The following HTRA1 variants were observed in gnomAD, a reference collection of about 807,000 sequenced individuals.
The protein encoded by HTRA1 is serine protease HTRA1.
A neutral mutation model predicts 49.7 loss-of-function variants in HTRA1; 26 were observed. That is an observed-to-expected ratio of 0.52 (90% CI 0.38 to 0.73). The LOEUF (loss-of-function observed/expected upper bound fraction) is 0.73. Ranked by LOEUF, HTRA1 falls within the 30% of genes least tolerant of loss-of-function variation. The pLI, the probability that HTRA1 is intolerant of heterozygous loss-of-function variation, is 0.00. For synonymous variants in HTRA1, 291 were observed against 286.9 expected (o/e 1.01, Z -0.14); for missense variants, 561 against 667.2 (o/e 0.84, Z 1.75).
chr10:122,488,777 G>C, intron 1 of HTRA1, 125 bp from the exon 2 acceptor site: 1 of 823,934 alleles, frequency 1.2e-6, no homozygotes, highest in Non-Finnish European at 2.1e-6. Flanking sequence ...TGGGGGAATT[G>C]CGCTCACTCC....
At chr10:122,471,204 G>T (rs2097485984) in intron 1 of HTRA1, among the ~76,000 whole-genome samples, 1 of 152,128 alleles carries the variant, frequency 6.6e-6, no homozygotes, top group South Asian at 2.1e-4. Context: ...AGCATTTGTG[G>T]CTCTGAAAAA....
intron 1 of HTRA1, 83 bp from the exon 2 acceptor site, chr10:122,488,819 C>A: frequency 9.1e-7 from 1 of 1,096,206 alleles, no homozygotes; most frequent in Non-Finnish European, 1.4e-6. Flanking sequence ...GGGCATGCAT[C>A]TTGGCTTCCT....
intron 8 of HTRA1, 103 bp from the exon 9 acceptor site, chr10:122,514,088 C>T (rs1310055914): frequency 8.6e-7 from 1 of 1,168,004 alleles, no homozygotes; most frequent in East Asian, 2.3e-5. Flanking sequence ...ATCCTGTTTG[C>T]TCTGGGCTTT....
chr10:122,475,753 T>A (rs370719770), intron 1 of HTRA1, among the ~76,000 whole-genome samples: 3 of 152,222 alleles, frequency 2.0e-5, no homozygotes, highest in Admixed American at 1.3e-4. Context: ...GGCCCCTCTG[T>A]GCCCATGTCC....
Position 122,514,845 on chromosome 10 carries a change from C to G in HTRA1, c.*486C>G, listed in dbSNP as rs1273482936. The G allele has an allele frequency of 5.1e-6, 1 of 195,836 alleles. No homozygotes were observed. The highest frequency in any genetic ancestry group is 2.3e-5 in the African/African-American group (1 of 42,850). 12.1% of individuals were successfully genotyped at this position (195,836 alleles called of 1,614,324 possible). On this transcript the variant is annotated 3_prime_UTR_variant, in exon 9 of 9. Coordinates refer to ENST00000368984, the MANE Select transcript of HTRA1 (RefSeq NM_002775.5). ...GGCCGAAGTTGCCTCTTTTAGGAAT[C>G]TCTTTGGAATTGGGAGCACGATGAC...
At position 122,500,334 on chromosome 10, in the gene HTRA1, T is replaced by G. The variant is rs139408587; in HGVS notation, c.778-6357T>G. Among the ~76,000 whole-genome samples, 69 of 152,354 alleles carry G rather than the reference T, an allele frequency of 4.5e-4. 1 individual carries two copies. In the East Asian group the frequency reaches 0.013, roughly 28 times the overall value. On this transcript the variant is annotated intron_variant, in intron 3 of 8. Coordinates refer to ENST00000368984, the MANE Select transcript of HTRA1 (RefSeq NM_002775.5). ...TTTATTGGGGACCCTGTTGCCTGTT[T>G]GGATCTTACTTACATTTAACTATTG...
chr10:122,489,510 G>T lies in HTRA1; in HGVS notation c.661G>T (p.Val221Leu). Reference protein sequence around the residue: ...EDGLIVTNAHVVTNKHRVKVE... With the variant: ...EDGLIVTNAHLVTNKHRVKVE... ...TGGACTGATCGTGACAAATGCCCAC[G>T]TGGTGACCAACAAGCACCGGGTCAA... The change falls in exon 3 of 9, where the codon GTG becomes TTG. Residue 221 changes from valine (V) to leucine (L), a missense_variant. Around this residue, in one of 3 missense-constraint regions of HTRA1, gnomAD observed 271 missense variants for 410.0 expected, o/e 0.66. Transcript: ENST00000368984. 9.3e-6 allele frequency: 15 copies of T among 1,614,196 alleles called. No individual in the cohort carries two copies. The highest frequency in any genetic ancestry group is 1.3e-5 in the Non-Finnish European group (15 of 1,180,022).
intron 3 of HTRA1, among the ~76,000 whole-genome samples, chr10:122,492,524 G>A (rs1251279453): frequency 1.3e-5 from 2 of 152,010 alleles, no homozygotes; most frequent in Non-Finnish European, 2.9e-5. Context: ...AGTAGAGACC[G>A]GGTTTTGCCA....
chr10:122,514,491 T>A lies in HTRA1; in HGVS notation c.*132T>A. 1 of 834,694 alleles carries A rather than the reference T, an allele frequency of 1.2e-6. No individual in the cohort carries two copies. Among genetic ancestry groups the A allele is most frequent in the Non-Finnish European group, 2.0e-6 (1 of 495,908 alleles). 51.7% of individuals were successfully genotyped at this position (834,694 alleles called of 1,614,324 possible). ...TTTTGTTTGTTCAGTGGAGACTCCC[T>A]GGCCAACAGAATCCTTCTTGATAGT... On this transcript the variant is annotated 3_prime_UTR_variant, in exon 9 of 9. Transcript: ENST00000368984.
Position 122,494,234 on chromosome 10 carries a change from TC to T in HTRA1, c.777+4610del, listed in dbSNP as rs748760393. ...GCTGGACTGCGGGGTTGGGGGCACA[TC>T]CGGCTGTCGGTCCTCAGGTAGGAGG... On this transcript the variant is annotated intron_variant, in intron 3 of 8. Transcript: ENST00000368984. This position sits in a 1 kb window ranked among gnomAD's most constrained non-coding sequence, Gnocchi z 4.0. Among the ~76,000 whole-genome samples, 1 of 152,260 alleles carries T rather than the reference TC, an allele frequency of 6.6e-6. No homozygotes were observed. Among genetic ancestry groups the T allele is most frequent in the Non-Finnish European group, 1.5e-5 (1 of 68,020 alleles).
chr10:122,461,589 TC>T lies in HTRA1; in HGVS notation c.-60del. ...CTGCCCCCGAGGCCCTCCTGCACTC[TC>T]CCCGGCGCCGCTCTCCGGCCCTCGC... On this transcript the variant is annotated 5_prime_UTR_variant, in exon 1 of 9. Coordinates refer to ENST00000368984, the MANE Select transcript of HTRA1 (RefSeq NM_002775.5). 4.6e-6 allele frequency: 5 copies of T among 1,083,120 alleles called. No individual in the cohort carries two copies. The highest frequency in any genetic ancestry group is 4.9e-6 in the Non-Finnish European group (4 of 820,234). The allele number at this position is 1,083,120 out of a possible 1,614,324, so 67.1% of individuals were successfully genotyped here. A position where few individuals can be genotyped will look rare whatever the true frequency, so the allele number is the denominator to read the frequency against.
chr10:122,472,184 C>T (rs1381424384), intron 1 of HTRA1, among the ~76,000 whole-genome samples: 2 of 151,816 alleles, frequency 1.3e-5, no homozygotes, highest in Non-Finnish European at 2.9e-5. Flanking sequence ...AGCATAAGGA[C>T]TCTTTTTTTT....
At chr10:122,472,617 A>G (rs938691934) in intron 1 of HTRA1, among the ~76,000 whole-genome samples, 1 of 151,716 alleles carries the variant, frequency 6.6e-6, no homozygotes, top group Non-Finnish European at 1.5e-5. Flanking sequence ...CTGGTCTCGA[A>G]CTCCTGGCCT....
At chr10:122,474,812 T>C (rs1331028896) in intron 1 of HTRA1, among the ~76,000 whole-genome samples, 2 of 151,984 alleles carry the variant, frequency 1.3e-5, no homozygotes, top group African/African-American at 2.4e-5. Context: ...ATGCATAAAA[T>C]AGGCCAGAAA....
intron 3 of HTRA1, among the ~76,000 whole-genome samples, chr10:122,501,961 G>GTTTTT (rs541582341): frequency 4.1e-5 from 3 of 73,536 alleles, no homozygotes; most frequent in Non-Finnish European, 6.9e-5. Flanking sequence ...TCCATTTGGA[G>GTTTTT]TTTTTTTTTT....
At chr10:122,479,794 C>A (rs4391763) in intron 1 of HTRA1, among the ~76,000 whole-genome samples, 73,814 of 131,122 alleles carry the variant, frequency 0.56, 19,693 homozygotes, top group African/African-American at 0.74. Context: ...GAGGAGATGG[C>A]GATGGCTGCG....
rs1478205602 is a variant in HTRA1 at position 122,514,874 on chromosome 10, G to C, written c.*515G>C. On this transcript the variant is annotated 3_prime_UTR_variant, in exon 9 of 9. Coordinates refer to ENST00000368984, the MANE Select transcript of HTRA1 (RefSeq NM_002775.5). ...TTGGAATTGGGAGCACGATGACTCT[G>C]AGTTTGAGCTATTAAAGTACTTCTT... 1.6e-5 allele frequency: 3 copies of C among 192,390 alleles called. No homozygotes were observed. Among genetic ancestry groups the C allele is most frequent in the African/African-American group, 2.3e-5 (1 of 42,638 alleles). 11.9% of individuals were successfully genotyped at this position (192,390 alleles called of 1,614,324 possible).
Position 122,488,998 on chromosome 10 carries a change from G to A in HTRA1, c.569G>A (p.Arg190His), listed in dbSNP as rs765112668. ...GCCGTGGTTCATATCGAATTGTTTC[G>A]CAAGTAAAGAGAGCCTTCCTTTTTC... ...APAVVHIELF[R>H]KLPFSKREVP... Residue 190 changes from arginine to histidine, a missense_variant, in exon 2 of 9, where the codon CGC (arginine) becomes CAC (histidine). Physicochemically the swap from Arg to His is conservative, Grantham distance 29. Transcript: ENST00000368984. 1.1e-4 allele frequency: 177 copies of A among 1,611,084 alleles called. No individual in the cohort carries two copies. The highest frequency in any genetic ancestry group is 1.4e-4 in the Non-Finnish European group (163 of 1,177,386).
intron 3 of HTRA1, among the ~76,000 whole-genome samples, chr10:122,492,660 A>C (rs528431866): frequency 6.6e-6 from 1 of 152,254 alleles, no homozygotes; most frequent in East Asian, 1.9e-4. Context: ...TGAGACTTTC[A>C]GTGAAATAAG....
Sources: gnomAD v4.1 joint callset for allele counts (sites outside exome capture counted in the v4.1 genomes callset) on GRCh38, gnomAD v4.1.1 for gene constraint, gnomAD v4.1.1 regional missense constraint, Gnocchi (gnomAD v3.1) non-coding constraint, MANE v1.5 for transcripts, NCBI Gene and HGNC (gene_info 2026-07-23, HGNC 2026-07-21) for gene names.